The following RUFY4 variants were observed in gnomAD, a reference collection of about 807,000 sequenced individuals.
RUFY4 encodes RUN and FYVE domain containing 4.
A neutral mutation model predicts 69.0 loss-of-function variants in RUFY4; 73 were observed. The observed-to-expected ratio is 1.06, with a 90% CI of 0.88 to 1.29. The LOEUF is 1.29. Among genes scored for constraint, RUFY4 ranks in the 50% most tolerant of loss-of-function variants. RUFY4 has a pLI of 0.00. For missense variants in RUFY4, 770 were observed against 705.6 expected (o/e 1.09, Z -1.03); for synonymous variants, 287 against 271.8 (o/e 1.06, Z -0.55).
intron 9 of RUFY4, among the ~76,000 whole-genome samples, chr2:218,084,707 C>A (rs1689850905): frequency 6.6e-6 from 1 of 151,918 alleles, no homozygotes; most frequent in South Asian, 2.1e-4. Flanking sequence ...AGGTAGCCAA[C>A]AATAAAAGAC....
At chr2:218,060,696 A>T (rs3181379) in intron 3 of RUFY4, 23,636 of 1,338,684 alleles carry the variant, frequency 0.018, 294 homozygotes, top group Non-Finnish European at 0.021. Flanking sequence ...TCTGCCCCAT[A>T]TGGGCCTTAA....
intron 2 of RUFY4, among the ~76,000 whole-genome samples, chr2:218,052,282 G>A (rs1688960377): frequency 6.6e-6 from 1 of 152,178 alleles, no homozygotes; most frequent in African/African-American, 2.4e-5. Flanking sequence ...GTCCTCCAGT[G>A]TAAGTCGACT....
chr2:218,089,609 T>C lies in RUFY4; in HGVS notation c.1613+247T>C, dbSNP rs1263432479. 21 of 687,094 alleles carry C rather than the reference T, an allele frequency of 3.1e-5. No homozygotes were observed. In the South Asian group the frequency reaches 3.1e-4, roughly 10 times the overall value. 42.6% of individuals were successfully genotyped at this position (687,094 alleles called of 1,614,324 possible). On this transcript the variant is annotated intron_variant, in intron 10 of 10. Transcript: ENST00000344321. ...GATTGGGTCCCCCTCCAAGAGCCGA[T>C]TGAGAAATGGGCCTCTCATCTGGAA...
chr2:218,074,655 G>A (rs938757053), intron 6 of RUFY4, among the ~76,000 whole-genome samples: 1 of 152,228 alleles, frequency 6.6e-6, no homozygotes, highest in Non-Finnish European at 1.5e-5. Flanking sequence ...TTGAGAGGTT[G>A]CTCTTAGCTG....
At chr2:218,046,298 T>C (rs1286934525) in intron 2 of RUFY4, among the ~76,000 whole-genome samples, 1 of 150,654 alleles carries the variant, frequency 6.6e-6, no homozygotes, top group Non-Finnish European at 1.5e-5. Flanking sequence ...ATTCCTCCTG[T>C]CTAATTGTGT....
At chr2:218,053,363 T>G (rs200283226) in intron 2 of RUFY4, among the ~76,000 whole-genome samples, 1 of 125,474 alleles carries the variant, frequency 8.0e-6, no homozygotes, top group African/African-American at 3.4e-5. Flanking sequence ...TTTTTTTTTT[T>G]GAAACAGGGT....
rs1047356067 is a variant in RUFY4, at chr2:218,073,226, G to A, written c.387-17G>A. The A allele has an allele frequency of 6.5e-7, 1 of 1,548,936 alleles. No homozygotes were observed. Among genetic ancestry groups the A allele is most frequent in the African/African-American group, 1.4e-5 (1 of 73,018 alleles). On this transcript the variant is annotated splice_polypyrimidine_tract_variant and intron_variant, in intron 4 of 10. Transcript: ENST00000344321. ...ACCAGGGTCAAAGGCCAAGGGTTCTGATCACTGTTAACACAGGGAATGGTA... is the reference window on the plus strand; with the variant it reads ...ACCAGGGTCAAAGGCCAAGGGTTCTAATCACTGTTAACACAGGGAATGGTA...
intron 2 of RUFY4, among the ~76,000 whole-genome samples, chr2:218,057,078 CA>C (rs1026307473): frequency 0.014 from 1,767 of 124,248 alleles, 29 homozygotes; most frequent in African/African-American, 0.039. Context: ...GACTCTATCT[CA>C]AAAAAAAAAA....
chr2:218,060,198 A>G (rs1468815949), intron 3 of RUFY4: 1 of 697,242 alleles, frequency 1.4e-6, no homozygotes, highest in African/African-American at 1.8e-5. Flanking sequence ...ACTAGTAAGA[A>G]CGTGGCCTCC....
At chr2:218,037,617 T>C (rs1958999155) in intron 2 of RUFY4, among the ~76,000 whole-genome samples, 1 of 152,226 alleles carries the variant, frequency 6.6e-6, no homozygotes, top group Non-Finnish European at 1.5e-5. Context: ...TAAAACCTCT[T>C]GAGGCTAGAA....
chr2:218,060,458 A>G (rs761283427), intron 3 of RUFY4: 20 of 1,434,346 alleles, frequency 1.4e-5, no homozygotes, highest in Middle Eastern at 1.8e-4. Flanking sequence ...AGTCCATGGC[A>G]AAACTTCTGG....
intron 2 of RUFY4, 137 bp from the exon 5 acceptor site, chr2:218,072,237 G>A (rs1261967720): frequency 1.3e-5 from 14 of 1,040,404 alleles, no homozygotes; most frequent in Non-Finnish European, 1.9e-5. Context: ...AGCCAGTAAG[G>A]ACAGGGCTGG....
At chr2:218,069,488 G>T (rs1203922115), upstream of RUFY4, 1 of 152,148 alleles carries the variant, frequency 6.6e-6, no homozygotes, top group East Asian at 1.9e-4. Flanking sequence ...CAGGATCTGG[G>T]CTGGAAGGGG....
At chr2:218,065,028 T>A (rs1294747338), upstream of RUFY4, among the ~76,000 whole-genome samples, 1 of 151,956 alleles carries the variant, frequency 6.6e-6, no homozygotes, top group Non-Finnish European at 1.5e-5. Context: ...GGATTGGGGG[T>A]TGGGGGACAG....
chr2:218,086,210 G>A (rs1457745351), intron 9 of RUFY4, among the ~76,000 whole-genome samples: 2 of 152,160 alleles, frequency 1.3e-5, no homozygotes, highest in Non-Finnish European at 2.9e-5. Context: ...GAAATAATTA[G>A]ACATACAGAT....
chr2:218,089,110 C>T, intron 9 of RUFY4, 142 bp from the exon 12 acceptor site: 1 of 646,250 alleles, frequency 1.5e-6, no homozygotes, highest in Non-Finnish European at 2.7e-6. Context: ...CATGTGATTC[C>T]CTCCATCACC....
chr2:218,068,214 A>ACGGCAGGGGAC (rs1559429785), upstream of RUFY4, among the ~76,000 whole-genome samples: 3 of 144,272 alleles, frequency 2.1e-5, 1 homozygote, highest in South Asian at 2.3e-4. Flanking sequence ...GGGCTGGAGG[A>ACGGCAGGGGAC]TGGCAGGGGG....
At chr2:218,059,313 T>C (rs1689130634) in intron 3 of RUFY4, 1 of 158,338 alleles carries the variant, frequency 6.3e-6, no homozygotes, top group Non-Finnish European at 1.5e-5. Flanking sequence ...GTGTACAGTT[T>C]AGTGGCATTA....
At chr2:218,065,982 G>T (rs181208624), upstream of RUFY4, among the ~76,000 whole-genome samples, 1 of 152,050 alleles carries the variant, frequency 6.6e-6, no homozygotes, top group African/African-American at 2.4e-5. Flanking sequence ...GGACAGGAGG[G>T]GTGGGGCCAG....
Sources: allele counts gnomAD v4.1 joint callset (sites outside exome capture counted in the v4.1 genomes callset), GRCh38; gene constraint gnomAD v4.1.1; transcripts MANE v1.5; gene names NCBI Gene and HGNC (gene_info 2026-07-23, HGNC 2026-07-21).